Variants in GLYCTK observed in about 807,000 individuals in gnomAD.
GLYCTK encodes HBeAg binding protein 4.
In GLYCTK, 22 loss-of-function variants were observed where a neutral mutation model predicts 24.8. That is an observed-to-expected ratio of 0.89 (90% confidence interval 0.63 to 1.27). The LOEUF is 1.27. GLYCTK is among the 50% of genes most tolerant of loss of function. GLYCTK has a pLI of 0.00. For synonymous variants in GLYCTK, 320 were observed against 297.2 expected (o/e 1.08, Z -0.79); for missense variants, 684 against 686.7 (o/e 1.00, Z 0.04).
Position 52,294,656 on chromosome 3 carries a change from GGTGATCCTCGC to G in GLYCTK, c.*1531_*1541del, listed in dbSNP as rs1167479091. On this transcript the variant is annotated 3_prime_UTR_variant, in exon 5 of 5. Transcript: ENST00000436784. ...CTAGGGTCACAGTCTCTGGGGTTAT[GGTGATCCTCGC>G]ATGATCCTGTGCCGTGGTGCTCCTC... is the stretch of plus-strand genomic sequence containing the variant. 2 of 446,282 alleles carry G rather than the reference GGTGATCCTCGC, an allele frequency of 4.5e-6. No homozygotes were observed. Among genetic ancestry groups the G allele is most frequent in the Admixed American group, 2.4e-5 (1 of 41,892 alleles). 27.6% of individuals were successfully genotyped at this position (446,282 alleles called of 1,614,324 possible).
In GLYCTK at chr3:52,294,002, C is replaced by T. The variant is rs1460964503; in HGVS notation, c.*876C>T. 2.3e-6 allele frequency: 1 copy of T among 426,786 alleles called. No individual in the cohort carries two copies. The highest frequency in any genetic ancestry group is 4.8e-6 in the Non-Finnish European group (1 of 209,642). 26.4% of individuals were successfully genotyped at this position (426,786 alleles called of 1,614,324 possible). ...ACCAAGTCCAGACCCTGAAGTCAGC[C>T]CTTCAGTGGGGGTCCCAGCACTGGG... is the stretch of plus-strand genomic sequence containing the variant. On this transcript the variant is annotated 3_prime_UTR_variant, in exon 5 of 5. Transcript: ENST00000436784.
In GLYCTK at chr3:52,290,730, A is replaced by G. The variant is rs771523263; in HGVS notation, c.377+11A>G. On this transcript the variant is annotated intron_variant, in intron 2 of 4. Coordinates refer to ENST00000436784, the MANE Select transcript of GLYCTK (RefSeq NM_145262.4). Reference sequence around the variant, plus strand: ...GCGTGCCGGCAAGCAGTAAGGAGCCATGGGGGCCTGCCTCCCTCTATCTAT... The same window carrying G: ...GCGTGCCGGCAAGCAGTAAGGAGCCGTGGGGGCCTGCCTCCCTCTATCTAT... 4 of 1,608,476 alleles carry G rather than the reference A, an allele frequency of 2.5e-6. No individual in the cohort carries two copies. The highest frequency in any genetic ancestry group is 2.6e-6 in the Non-Finnish European group (3 of 1,176,394).
At chr3:52,290,052 G>C in intron 1 of GLYCTK, 2 of 501,836 alleles carry the variant, frequency 4.0e-6, no homozygotes, top group Non-Finnish European at 3.5e-6. Context: ...CTTTGGACTT[G>C]AGGCAGAGTA....
intron 1 of GLYCTK, among the ~76,000 whole-genome samples, chr3:52,288,216 A>T (rs1700349175): frequency 6.6e-6 from 1 of 151,660 alleles, no homozygotes; most frequent in African/African-American, 2.4e-5. Context: ...CAAAGCGTCC[A>T]GTTACATTTT....
rs1198537379 is a variant in GLYCTK at position 52,293,084 on chromosome 3, C to G, written c.1530C>G (p.Thr510=). The part of the protein sequence containing the change: ...AHLLHTGMTG[T]NVMDTHLLFL... ...TGCTGCACACAGGGATGACAGGTAC[C>G]AATGTCATGGACACCCACCTCTTGT... The change falls in exon 5 of 5, where the codon ACC becomes ACG. Residue 510 remains threonine, a synonymous_variant. Coordinates refer to ENST00000436784, the MANE Select transcript of GLYCTK (RefSeq NM_145262.4). 6.2e-7 allele frequency: 1 copy of G among 1,613,904 alleles called. No homozygotes were observed. The highest frequency in any genetic ancestry group is 8.5e-7 in the Non-Finnish European group (1 of 1,180,012).
rs747729806 is a variant in GLYCTK at position 52,292,595 on chromosome 3, C to T, written c.1041C>T (p.Phe347=). The T allele has an allele frequency of 5.0e-6, 8 of 1,613,762 alleles. No homozygotes were observed. Among genetic ancestry groups the T allele is most frequent in the Non-Finnish European group, 6.8e-6 (8 of 1,179,866 alleles). Residue 347 remains phenylalanine (F), a synonymous_variant, in exon 5 of 5, where the codon TTC becomes TTT. Coordinates refer to ENST00000436784, the MANE Select transcript of GLYCTK (RefSeq NM_145262.4). ...MQGDVKSMAQ[F]YGLLAHVART... is the part of the protein sequence containing the mutation. ...GTGATGTAAAAAGTATGGCCCAGTTCTACGGGCTGCTGGCCCATGTGGCTA... is the reference window on the plus strand; with the variant it reads ...GTGATGTAAAAAGTATGGCCCAGTTTTACGGGCTGCTGGCCCATGTGGCTA...
chr3:52,293,279 C>A lies in GLYCTK; in HGVS notation c.*153C>A. 3.8e-6 allele frequency: 3 copies of A among 780,224 alleles called. No individual in the cohort carries two copies. Among genetic ancestry groups the A allele is most frequent in the Non-Finnish European group, 6.6e-6 (3 of 456,330 alleles). The allele number at this position is 780,224 out of a possible 1,614,324, so 48.3% of individuals were successfully genotyped here. On this transcript the variant is annotated 3_prime_UTR_variant, in exon 5 of 5. Transcript: ENST00000436784. ...GTTAACTGTCACCTTCCACTCAGGG[C>A]CTCTGCTCTATATCTATTCCCTTCC...
At position 52,291,733 on chromosome 3, in the gene GLYCTK, C is replaced by A. The variant is rs2153221001; in HGVS notation, c.530-14C>A. The A allele has an allele frequency of 1.9e-6, 3 of 1,613,250 alleles. No homozygotes were observed. Among genetic ancestry groups the A allele is most frequent in the Non-Finnish European group, 2.5e-6 (3 of 1,179,720 alleles). Reference sequence around the variant, plus strand: ...GGATAGCCCCTCTACCTGATACCCTCATTGTCTTGAGAGGTGGGGGTTCAG... The same window carrying A: ...GGATAGCCCCTCTACCTGATACCCTAATTGTCTTGAGAGGTGGGGGTTCAG... On this transcript the variant is annotated splice_polypyrimidine_tract_variant and intron_variant, in intron 3 of 4. Coordinates refer to ENST00000436784, the MANE Select transcript of GLYCTK (RefSeq NM_145262.4).
At position 52,294,870 on chromosome 3, in the gene GLYCTK, G is replaced by A. The variant is rs1297652527; in HGVS notation, c.*1744G>A. 4.0e-5 allele frequency: 18 copies of A among 453,982 alleles called. No homozygotes were observed. The highest frequency in any genetic ancestry group is 3.8e-4 in the Admixed American group (16 of 42,554). The allele number at this position is 453,982 out of a possible 1,614,324, so 28.1% of individuals were successfully genotyped here. ...GTGTGTGTGGGTGGTAGGTGTGTGA[G>A]TATACAGACGTTGGTGTTGGCGTAC... On this transcript the variant is annotated 3_prime_UTR_variant, in exon 5 of 5. Coordinates refer to ENST00000436784, the MANE Select transcript of GLYCTK (RefSeq NM_145262.4).
intron 4 of GLYCTK, 60 bp downstream of exon 4, chr3:52,291,982 A>T (rs1452261777): frequency 6.6e-7 from 1 of 1,517,190 alleles, no homozygotes; most frequent in East Asian, 2.3e-5. Flanking sequence ...CACATGTGCC[A>T]GGGATGTGAA....
At chr3:52,287,914 A>G (rs777486427) in intron 1 of GLYCTK, 38 bp downstream of exon 1, 4 of 446,564 alleles carry the variant, frequency 9.0e-6, no homozygotes, top group South Asian at 6.2e-5. Flanking sequence ...GGCCTTCAGA[A>G]GCGGTCCCTG....
Position 52,292,599 on chromosome 3 carries a change from G to A in GLYCTK, c.1045G>A (p.Gly349Arg), listed in dbSNP as rs370096769. 5.6e-6 allele frequency: 9 copies of A among 1,613,714 alleles called. No homozygotes were observed. Among genetic ancestry groups the A allele is most frequent in the Admixed American group, 3.3e-5 (2 of 60,006 alleles). ...TGTAAAAAGTATGGCCCAGTTCTAC[G>A]GGCTGCTGGCCCATGTGGCTAGAAC... The part of the protein sequence containing the change: ...GDVKSMAQFY[G>R]LLAHVARTRL... Residue 349 changes from glycine (G) to arginine (R), a missense_variant, in exon 5 of 5, where the codon GGG (glycine) becomes AGG (arginine). Gly to Arg is a moderately radical substitution (Grantham distance 125). Coordinates refer to ENST00000436784, the MANE Select transcript of GLYCTK (RefSeq NM_145262.4).
chr3:52,291,866 A>C lies in GLYCTK; in HGVS notation c.649A>C (p.Lys217Gln). Reference sequence around the variant, plus strand: ...CATCCAGGAGTTGAACACCATTCGGAAGGCCCTGTCCCAGCTCAAGGGTGG... The same window carrying C: ...CATCCAGGAGTTGAACACCATTCGGCAGGCCCTGTCCCAGCTCAAGGGTGG... Reference protein sequence around the residue: ...ATIQELNTIRKALSQLKGGGL... With the variant: ...ATIQELNTIRQALSQLKGGGL... The change falls in exon 4 of 5, where the codon AAG (lysine) becomes CAG (glutamine). Residue 217 changes from lysine to glutamine, a missense_variant. By Grantham distance (53) the Lys-to-Gln change is moderately conservative. Coordinates refer to ENST00000436784, the MANE Select transcript of GLYCTK (RefSeq NM_145262.4). The C allele has an allele frequency of 6.2e-7, 1 of 1,613,850 alleles. No individual in the cohort carries two copies. Among genetic ancestry groups the C allele is most frequent in the Non-Finnish European group, 8.5e-7 (1 of 1,180,000 alleles).
rs1295989073 is a variant in GLYCTK, at chr3:52,293,212, C to G, written c.*86C>G. ...AGCAAGGTTGGTCCTCAGGGCCTCT[C>G]TAAGCCTTAGGGCCCCTCCTCTCCT... On this transcript the variant is annotated 3_prime_UTR_variant, in exon 5 of 5. Coordinates refer to ENST00000436784, the MANE Select transcript of GLYCTK (RefSeq NM_145262.4). 2.1e-6 allele frequency: 3 copies of G among 1,425,160 alleles called. No homozygotes were observed. The highest frequency in any genetic ancestry group is 3.5e-5 in the Admixed American group (2 of 56,652). 88.3% of individuals were successfully genotyped at this position (1,425,160 alleles called of 1,614,324 possible).
Position 52,290,568 on chromosome 3 carries a change from C to T in GLYCTK, c.226C>T (p.Gln76Ter). ...RQLKVRDRNFQLRQNLYLVGF... is the reference protein window; with the variant it reads ...RQLKVRDRNF ...GCTGAAGGTGCGGGACCGGAACTTT[C>T]AGCTGAGGCAAAACCTCTACCTGGT... The change falls in exon 2 of 5, where the codon CAG (glutamine) becomes TAG (stop). Residue 76 changes from glutamine (Q) to a stop codon, truncating the protein, a stop_gained. Coordinates refer to ENST00000436784, the MANE Select transcript of GLYCTK (RefSeq NM_145262.4). LOFTEE classifies it high-confidence loss of function. The T allele has an allele frequency of 6.2e-7, 1 of 1,613,818 alleles. No homozygotes were observed. The highest frequency in any genetic ancestry group is 8.5e-7 in the Non-Finnish European group (1 of 1,180,020).
Position 52,290,595 on chromosome 3 carries a change from G to A in GLYCTK, c.253G>A (p.Gly85Ser), listed in dbSNP as rs1578025572. The stretch of plus-strand genomic sequence containing the variant: ...GCTGAGGCAAAACCTCTACCTGGTG[G>A]GCTTTGGCAAGGCTGTGCTGGGTAT... The part of the protein sequence containing the change: ...FQLRQNLYLV[G>S]FGKAVLGMAA... The change falls in exon 2 of 5, where the codon GGC becomes AGC. Residue 85 changes from glycine (G) to serine (S), a missense_variant. Physicochemically the swap from Gly to Ser is moderately conservative, Grantham distance 56. Coordinates refer to ENST00000436784, the MANE Select transcript of GLYCTK (RefSeq NM_145262.4). 3 of 1,613,988 alleles carry A rather than the reference G, an allele frequency of 1.9e-6. No individual in the cohort carries two copies. Among genetic ancestry groups the A allele is most frequent in the Non-Finnish European group, 2.5e-6 (3 of 1,180,030 alleles).
chr3:52,292,166 G>T, intron 4 of GLYCTK, 94 bp from the exon 5 acceptor site: 1 of 1,505,232 alleles, frequency 6.6e-7, no homozygotes. Context: ...TGAGTTGGGG[G>T]AGGGTGTGTG....
Position 52,290,639 on chromosome 3 carries a change from A to G in GLYCTK, c.297A>G (p.Glu99=), listed in dbSNP as rs1222499227. 1 of 1,613,472 alleles carries G rather than the reference A, an allele frequency of 6.2e-7. No individual in the cohort carries two copies. The highest frequency in any genetic ancestry group is 1.3e-5 in the African/African-American group (1 of 74,926). ...TGGGTATGGCAGCTGCAGCTGAGGA[A>G]CTACTGGGCCAGCATCTTGTGCAGG... ...AVLGMAAAAE[E]LLGQHLVQGV... is the part of the protein sequence containing the mutation. Residue 99 remains glutamate (E), a synonymous_variant, in exon 2 of 5, where the codon GAA becomes GAG. Transcript: ENST00000436784.
chr3:52,293,077 CA>C lies in GLYCTK; in HGVS notation c.1524del (p.Gly509ValfsTer119). The C allele has an allele frequency of 1.2e-6, 2 of 1,614,102 alleles. No individual in the cohort carries two copies. The highest frequency in any genetic ancestry group is 1.7e-6 in the Non-Finnish European group (2 of 1,180,036). On this transcript the variant is annotated frameshift_variant, in exon 5 of 5. Transcript: ENST00000436784. LOFTEE classifies it high-confidence loss of function. ...GGAHLLHTGM[T>X]GTNVMDTHLL... ...GCACACCTGCTGCACACAGGGATGA[CA>C]GGTACCAATGTCATGGACACCCACC...
Sources: allele counts gnomAD v4.1 joint callset (sites outside exome capture counted in the v4.1 genomes callset), GRCh38; gene constraint gnomAD v4.1.1; transcripts MANE v1.5; gene names NCBI Gene and HGNC (gene_info 2026-07-23, HGNC 2026-07-21).